PRSS54: variants seen among roughly 807,000 people sequenced by gnomAD.
PRSS54 encodes the protein serine protease 54.
In PRSS54, 16 loss-of-function variants were observed where a neutral mutation model predicts 19.9. That is an observed-to-expected ratio of 0.80 (90% CI 0.54 to 1.22). PRSS54 has a LOEUF of 1.22. PRSS54 is among the 50% of genes most tolerant of loss of function. The pLI is 0.00. For missense variants in PRSS54, 444 were observed against 494.8 expected (o/e 0.90, Z 0.97); for synonymous variants, 177 against 195.8 (o/e 0.90, Z 0.80).
At chr16:58,293,909 C>T (rs1253989265) in intron 2 of PRSS54, 76 bp downstream of exon 2, 7 of 1,109,650 alleles carry the variant, frequency 6.3e-6, no homozygotes, top group African/African-American at 3.1e-5. Context: ...TCTTCCCAAA[C>T]ACACATGTTC....
Position 58,294,009 on chromosome 16 carries a change from C to T in PRSS54, c.-31G>A. The T allele has an allele frequency of 1.7e-5, 10 of 603,702 alleles. No individual in the cohort carries two copies. In the South Asian group the frequency reaches 1.9e-4, roughly 12 times the overall value. 37.4% of individuals were successfully genotyped at this position (603,702 alleles called of 1,614,324 possible). On this transcript the variant is annotated 5_prime_UTR_variant, in exon 2 of 7. Coordinates refer to ENST00000567164, the MANE Select transcript of PRSS54 (RefSeq NM_001305173.2). ...CCTGTCTTATCCCTAGTGCTTGGTT[C>T]TGTGTGGTAAAGAGGCAGGACCAGT...
chr16:58,288,934 G>C (rs1242763260), intron 4 of PRSS54, among the ~76,000 whole-genome samples: 2 of 152,184 alleles, frequency 1.3e-5, no homozygotes, highest in African/African-American at 4.8e-5. Flanking sequence ...GGTGTGTCGG[G>C]AGTGCGTTAT....
At chr16:58,287,643 G>C (rs1484988329) in intron 4 of PRSS54, among the ~76,000 whole-genome samples, 1 of 152,214 alleles carries the variant, frequency 6.6e-6, no homozygotes, top group Non-Finnish European at 1.5e-5. Context: ...AGGCAAGAAA[G>C]ACCACTGGTA....
intron 4 of PRSS54, among the ~76,000 whole-genome samples, chr16:58,287,709 C>A (rs1372447880): frequency 6.6e-6 from 1 of 152,122 alleles, no homozygotes; most frequent in African/African-American, 2.4e-5. Flanking sequence ...TAGAGTGGAT[C>A]TGAAGGGGCA....
chr16:58,294,897 T>TCATG lies in PRSS54; in HGVS notation c.-246_-243dup, dbSNP rs1484874875. On this transcript the variant is annotated 5_prime_UTR_variant, in exon 1 of 7. In the 5' UTR this introduces an upstream ATG that the reference lacks. Transcript: ENST00000567164. ...ACAGTTCTAAGTCACCATGTTCCAC[T>TCATG]CATGACACTGGATGCCTCTTGTCCT... The TCATG allele has an allele frequency of 6.5e-6, 1 of 152,768 alleles. No homozygotes were observed. Among genetic ancestry groups the TCATG allele is most frequent in the Non-Finnish European group, 1.5e-5 (1 of 68,130 alleles). The allele number at this position is 152,768 out of a possible 1,614,324, so 9.5% of individuals were successfully genotyped here.
rs747514048 is a variant in PRSS54, at chr16:58,280,432, T to C, written c.980A>G (p.Asn327Ser). ...RRTITHSRLG[N>S]SSRDSLDVRE... The stretch of plus-strand genomic sequence containing the variant: ...AACATCTAGACTATCTCTAGAGCTG[T>C]TTCCTAGTCGTGAATGCGTGATGGT... Residue 327 changes from asparagine (N) to serine (S), a missense_variant, in exon 7 of 7, where the codon AAC becomes AGC. By Grantham distance (46) the Asn-to-Ser change is conservative. Coordinates refer to ENST00000567164, the MANE Select transcript of PRSS54 (RefSeq NM_001305173.2). The C allele has an allele frequency of 1.9e-6, 3 of 1,614,194 alleles. No individual in the cohort carries two copies. The highest frequency in any genetic ancestry group is 2.5e-6 in the Non-Finnish European group (3 of 1,180,016).
chr16:58,285,744 A>AAAAAG (rs146167626), intron 5 of PRSS54, among the ~76,000 whole-genome samples, 193 bp downstream of exon 5: 5,197 of 77,084 alleles, frequency 0.067, 245 homozygotes, highest in Non-Finnish European at 0.084. Context: ...AAAAAAAAAA[A>AAAAAG]AAGAAGAAGA....
At chr16:58,293,846 T>A in intron 2 of PRSS54, 24 bp from the exon 3 acceptor site, 1 of 1,585,146 alleles carries the variant, frequency 6.3e-7, no homozygotes, top group Non-Finnish European at 8.6e-7. Flanking sequence ...ACCCAATGAC[T>A]CCATCCTCTT....
At chr16:58,285,744 A>AAG (rs138992112) in intron 5 of PRSS54, among the ~76,000 whole-genome samples, 193 bp downstream of exon 5, 31,201 of 74,202 alleles carry the variant, frequency 0.42, 6,609 homozygotes, top group African/African-American at 0.55. Context: ...AAAAAAAAAA[A>AAG]AAGAAGAAGA....
chr16:58,284,770 C>G (rs568178059), intron 5 of PRSS54, 49 bp from the exon 6 acceptor site: 1 of 1,609,726 alleles, frequency 6.2e-7, no homozygotes, highest in South Asian at 1.1e-5. Context: ...GAAGGCAGTC[C>G]CCTATGTCAA....
chr16:58,280,138 C>G lies in PRSS54; in HGVS notation c.*86G>C. The G allele has an allele frequency of 5.7e-6, 8 of 1,402,490 alleles. No homozygotes were observed. Among genetic ancestry groups the G allele is most frequent in the South Asian group, 2.7e-5 (2 of 74,618 alleles). 86.9% of individuals were successfully genotyped at this position (1,402,490 alleles called of 1,614,324 possible). On this transcript the variant is annotated 3_prime_UTR_variant, in exon 7 of 7. Transcript: ENST00000567164. ...CGTGGCAGCCCCAGTGTGCAACTAT[C>G]AAAAACAGACATCAAAACAGCATGG... is the stretch of plus-strand genomic sequence containing the variant.
chr16:58,287,377 G>A (rs55715369), intron 4 of PRSS54, among the ~76,000 whole-genome samples: 15,696 of 152,194 alleles, frequency 0.1, 897 homozygotes, highest in Admixed American at 0.13. Flanking sequence ...CAAGGACAGC[G>A]CTGGGCACTG....
chr16:58,287,211 G>A (rs56131447), intron 4 of PRSS54, among the ~76,000 whole-genome samples: 15,701 of 152,180 alleles, frequency 0.1, 895 homozygotes, highest in Admixed American at 0.13. Context: ...GTAGTGTTGC[G>A]TGTCCACTAT....
At chr16:58,291,201 GCTGT>G (rs1965033617) in intron 3 of PRSS54, 65 bp from the exon 4 acceptor site, 6 of 1,483,786 alleles carry the variant, frequency 4.0e-6, no homozygotes, top group East Asian at 2.3e-5. Flanking sequence ...TCTCCTGTGG[GCTGT>G]CTGTCTCGAT....
chr16:58,293,038 C>T (rs968812393), intron 3 of PRSS54, among the ~76,000 whole-genome samples: 10 of 151,762 alleles, frequency 6.6e-5, no homozygotes, highest in Admixed American at 3.3e-4. Context: ...TATGTGTGTG[C>T]GTGTATGTGT....
intron 6 of PRSS54, chr16:58,281,337 CCTCT>C (rs1964729392): frequency 1.3e-5 from 2 of 157,328 alleles, no homozygotes; most frequent in South Asian, 1.9e-4. Context: ...GTGACCAAAT[CCTCT>C]CTGAGCCAAG....
chr16:58,280,315 C>A lies in PRSS54; in HGVS notation c.1097G>T (p.Gly366Val), dbSNP rs748709921. Residue 366 changes from glycine to valine, a missense_variant, in exon 7 of 7, where the codon GGT becomes GTT. By Grantham distance (109) the Gly-to-Val change is moderately radical. Transcript: ENST00000567164. The stretch of plus-strand genomic sequence containing the variant: ...CCTGTTCTGACCTGCAAAAATCCTA[C>A]CTTCCCCCACCTCCCCACCGTAATA... Reference protein sequence around the residue: ...YDYYGGEVGEGRIFAGQNRLY... With the variant: ...YDYYGGEVGEVRIFAGQNRLY... 1.2e-6 allele frequency: 2 copies of A among 1,614,042 alleles called. No homozygotes were observed. Among genetic ancestry groups the A allele is most frequent in the East Asian group, 4.5e-5 (2 of 44,892 alleles).
At chr16:58,283,777 CAT>C (rs1385029959) in intron 6 of PRSS54, 6 of 152,146 alleles carry the variant, frequency 3.9e-5, no homozygotes, top group African/African-American at 1.4e-4. Context: ...GAAGGGCAAA[CAT>C]ATTTCTTAAT....
chr16:58,284,636 G>A lies in PRSS54; in HGVS notation c.608C>T (p.Thr203Ile). 15 of 1,614,080 alleles carry A rather than the reference G, an allele frequency of 9.3e-6. No homozygotes were observed. Among genetic ancestry groups the A allele is most frequent in the Non-Finnish European group, 1.3e-5 (15 of 1,179,998 alleles). ...CTCTTTCGTGTGGCTGCCGCATTCT[G>A]TCTTCTGGAGTTTGTATAGGGGACA... ...DMCPLYKLQK[T>I]ECGSHTKEET... Residue 203 changes from threonine to isoleucine, a missense_variant, in exon 6 of 7, where the codon ACA becomes ATA. Physicochemically the swap from Thr to Ile is moderately conservative, Grantham distance 89 (BLOSUM62 -1). Coordinates refer to ENST00000567164, the MANE Select transcript of PRSS54 (RefSeq NM_001305173.2).
Sources: gnomAD v4.1 joint callset for allele counts (sites outside exome capture counted in the v4.1 genomes callset) on GRCh38, gnomAD v4.1.1 for gene constraint, MANE v1.5 for transcripts, NCBI Gene and HGNC (gene_info 2026-07-23, HGNC 2026-07-21) for gene names.